TSC22D2: variants seen among roughly 807,000 people sequenced by gnomAD.
TSC22D2 encodes TSC22 domain family member 2, also known as TSC22 domain family protein 2.
TSC22D2 carries 5 observed loss-of-function variants against 50.1 expected under a neutral mutation model. That is an observed-to-expected ratio of 0.10 (90% confidence interval 0.05 to 0.21). The LOEUF (loss-of-function observed/expected upper bound fraction) is 0.21, where lower values mean the gene tolerates loss of function less well. TSC22D2 is among the 10% of genes least tolerant of loss of function. The pLI is 1.00. For missense variants in TSC22D2, 1,003 were observed against 1,015.5 expected (o/e 0.99, Z 0.17); for synonymous variants, 501 against 450.1 (o/e 1.11, Z -1.43).
At chr3:150,439,786 T>G (rs757812934) in intron 1 of TSC22D2, among the ~76,000 whole-genome samples, 11 of 152,146 alleles carry the variant, frequency 7.2e-5, no homozygotes, top group Non-Finnish European at 1.5e-4. Context: ...TAAGTATGAG[T>G]CGTGAAAGAA....
At chr3:150,427,660 A>T (rs1223174707) in intron 1 of TSC22D2, among the ~76,000 whole-genome samples, 4 of 152,050 alleles carry the variant, frequency 2.6e-5, no homozygotes, top group Non-Finnish European at 5.9e-5. Context: ...TTATTATCTG[A>T]TTATATTTCA....
chr3:150,441,226 C>T (rs1028432991), intron 1 of TSC22D2, among the ~76,000 whole-genome samples: 1 of 151,950 alleles, frequency 6.6e-6, no homozygotes, highest in Non-Finnish European at 1.5e-5. Context: ...TGCATATTCC[C>T]AGACTTGGAA....
intron 1 of TSC22D2, among the ~76,000 whole-genome samples, chr3:150,445,780 G>A (rs1394658431): frequency 6.6e-6 from 1 of 152,072 alleles, no homozygotes; most frequent in African/African-American, 2.4e-5. Context: ...AACTTGCTAG[G>A]ATCACCCCAC....
intron 1 of TSC22D2, among the ~76,000 whole-genome samples, chr3:150,436,288 T>C (rs2108084429): frequency 6.6e-6 from 1 of 152,262 alleles, no homozygotes; most frequent in Non-Finnish European, 1.5e-5. Flanking sequence ...ACTGGTTTAA[T>C]TGTATCTTCC....
At chr3:150,456,468 G>A (rs1409132697) in intron 1 of TSC22D2, among the ~76,000 whole-genome samples, 9 of 152,176 alleles carry the variant, frequency 5.9e-5, no homozygotes, top group East Asian at 1.9e-4. Flanking sequence ...GATTACAAGC[G>A]TGAGCCACCA....
intron 1 of TSC22D2, among the ~76,000 whole-genome samples, chr3:150,415,966 C>T (rs1463200151): frequency 6.6e-6 from 1 of 152,082 alleles, no homozygotes; most frequent in Admixed American, 6.6e-5. Flanking sequence ...AAATAGCAGC[C>T]CCACCAATCA....
At chr3:150,447,845 A>C (rs1271358029) in intron 1 of TSC22D2, among the ~76,000 whole-genome samples, 1 of 152,208 alleles carries the variant, frequency 6.6e-6, no homozygotes, top group Non-Finnish European at 1.5e-5. Flanking sequence ...TGTCAGTCTT[A>C]CACTATTTTT....
At chr3:150,437,568 C>T (rs573683019) in intron 1 of TSC22D2, among the ~76,000 whole-genome samples, 9 of 150,904 alleles carry the variant, frequency 6.0e-5, no homozygotes, top group Admixed American at 1.3e-4. Flanking sequence ...TTTGGGAGGC[C>T]GAGGTAGGCA....
chr3:150,421,331 CA>C (rs1218550728), intron 1 of TSC22D2, among the ~76,000 whole-genome samples: 2 of 150,876 alleles, frequency 1.3e-5, no homozygotes, highest in Non-Finnish European at 3.0e-5. Flanking sequence ...TTTTATAAAA[CA>C]AAAACAACAA....
At position 150,410,045 on chromosome 3, in the gene TSC22D2, T is replaced by TGCAGGGGGC; in HGVS notation, c.699_707dup (p.Gln233_Ala235dup). The stretch of plus-strand genomic sequence containing the variant: ...TCGGTGGTGGTAGTAGTGGCCTCCA[T>TGCAGGGGGC]GCAGGGGGCGCACGGGCCCGAGTCG... On this transcript the variant is annotated inframe_insertion, in exon 1 of 3. Coordinates refer to ENST00000688009, the MANE Select transcript of TSC22D2 (RefSeq NM_001303264.2). 1 of 1,613,154 alleles carries TGCAGGGGGC rather than the reference T, an allele frequency of 6.2e-7. No homozygotes were observed. Among genetic ancestry groups the TGCAGGGGGC allele is most frequent in the Non-Finnish European group, 8.5e-7 (1 of 1,179,984 alleles).
chr3:150,451,196 T>TA (rs1309052291), intron 1 of TSC22D2, among the ~76,000 whole-genome samples: 2 of 152,228 alleles, frequency 1.3e-5, no homozygotes, highest in Non-Finnish European at 2.9e-5. Context: ...AATGCAAAGT[T>TA]AGAGGAGTCT....
intron 1 of TSC22D2, among the ~76,000 whole-genome samples, chr3:150,435,655 A>G (rs367592679): frequency 8.5e-5 from 13 of 152,326 alleles, no homozygotes; most frequent in African/African-American, 2.2e-4. Flanking sequence ...AAAATTTTCT[A>G]TCAAACTAAG....
chr3:150,459,386 C>G lies in TSC22D2; in HGVS notation c.*750C>G, dbSNP rs994853991. 1 of 152,464 alleles carries G rather than the reference C, an allele frequency of 6.6e-6. No homozygotes were observed. Among genetic ancestry groups the G allele is most frequent in the Non-Finnish European group, 1.5e-5 (1 of 68,008 alleles). 9.4% of individuals were successfully genotyped at this position (152,464 alleles called of 1,614,324 possible). A position where few individuals can be genotyped will look rare whatever the true frequency, so the allele number is the denominator to read the frequency against. On this transcript the variant is annotated 3_prime_UTR_variant, in exon 3 of 3. Coordinates refer to ENST00000688009, the MANE Select transcript of TSC22D2 (RefSeq NM_001303264.2). ...TATTGTGATATGATAAATAATTGGG[C>G]TATTTTGATGAAGAAAACTTTGTTC... is the stretch of plus-strand genomic sequence containing the variant.
chr3:150,432,122 T>G (rs1043162226), intron 1 of TSC22D2, among the ~76,000 whole-genome samples: 3 of 152,188 alleles, frequency 2.0e-5, no homozygotes, highest in Non-Finnish European at 4.4e-5. Flanking sequence ...TTTCTATGGC[T>G]AGCTGAAGTG....
intron 1 of TSC22D2, among the ~76,000 whole-genome samples, chr3:150,447,759 A>C (rs1720930270): frequency 6.6e-6 from 1 of 152,174 alleles, no homozygotes; most frequent in Admixed American, 6.5e-5. Flanking sequence ...GCTTCAATTG[A>C]AACTTGAAAT....
intron 1 of TSC22D2, among the ~76,000 whole-genome samples, chr3:150,437,856 T>C (rs1720596072): frequency 6.6e-6 from 1 of 151,772 alleles, no homozygotes; most frequent in South Asian, 2.1e-4. Context: ...GAAACTCATA[T>C]ACATGGATGT....
intron 1 of TSC22D2, among the ~76,000 whole-genome samples, chr3:150,437,189 T>G (rs187475402): frequency 6.6e-6 from 1 of 152,290 alleles, no homozygotes; most frequent in African/African-American, 2.4e-5. Flanking sequence ...GATGCCCAAT[T>G]GAAAGCTTTC....
Position 150,409,053 on chromosome 3 carries a change from C to T in TSC22D2, c.-298C>T. The T allele has an allele frequency of 3.6e-6, 1 of 279,558 alleles. No individual in the cohort carries two copies. The allele number at this position is 279,558 out of a possible 1,614,324, so 17.3% of individuals were successfully genotyped here. A position where few individuals can be genotyped will look rare whatever the true frequency, so the allele number is the denominator to read the frequency against. ...CGCCCCTGGGTTCGCGCTCTCGCCG[C>T]CTCTGAGGGAATTGAATTGAGGCGC... is the stretch of plus-strand genomic sequence containing the variant. On this transcript the variant is annotated 5_prime_UTR_variant, in exon 1 of 3. Coordinates refer to ENST00000688009, the MANE Select transcript of TSC22D2 (RefSeq NM_001303264.2). The surrounding 1 kb of genome is among the most constrained non-coding windows in gnomAD (Gnocchi z 7.4).
At chr3:150,425,254 G>T (rs1720143196) in intron 1 of TSC22D2, among the ~76,000 whole-genome samples, 1 of 152,188 alleles carries the variant, frequency 6.6e-6, no homozygotes, top group Admixed American at 6.5e-5. Flanking sequence ...ACTGGGCGCA[G>T]TGGCTCCCGC....
Sources: gnomAD v4.1 joint callset for allele counts (sites outside exome capture counted in the v4.1 genomes callset) on GRCh38, gnomAD v4.1.1 for gene constraint, Gnocchi (gnomAD v3.1) non-coding constraint, MANE v1.5 for transcripts, NCBI Gene and HGNC (gene_info 2026-07-23, HGNC 2026-07-21) for gene names.